SNAPC4: variants seen among roughly 807,000 people sequenced by gnomAD.
SNAPC4 encodes the protein small nuclear RNA activating complex polypeptide 4, also known as snRNA-activating protein complex subunit 4.
Under a neutral mutation model 151.3 loss-of-function variants are expected in SNAPC4, and 127 were observed. The observed-to-expected ratio is 0.84, with a 90% CI of 0.73 to 0.97. The LOEUF is 0.97. Among genes scored for constraint, SNAPC4 ranks in the 50% least tolerant of loss-of-function variants. SNAPC4 has a pLI of 0.00. For synonymous variants in SNAPC4, 1,002 were observed against 824.4 expected (o/e 1.22, Z -3.69); for missense variants, 2,186 against 1,935.0 (o/e 1.13, Z -2.43).
rs1833939461 is a variant in SNAPC4, at chr9:136,387,781, A to G, written c.1191T>C (p.Pro397=). The change falls in exon 12 of 24, where the codon CCT becomes CCC. Residue 397 remains proline (P), a synonymous_variant. Transcript: ENST00000684778. ...LIYRWTKSLD[P]GLKKGYWAPE... is the part of the protein sequence containing the mutation. ...GGGCCCAGTAACCCTTCTTCAGACC[A>G]GGATCCAAGCTCTTGGTCCATCGGT... 1.9e-6 allele frequency: 3 copies of G among 1,612,950 alleles called. No homozygotes were observed. The highest frequency in any genetic ancestry group is 1.7e-6 in the Non-Finnish European group (2 of 1,179,106).
At position 136,392,720 on chromosome 9, in the gene SNAPC4, G is replaced by A; in HGVS notation, c.690C>T (p.Ala230=). The A allele has an allele frequency of 3.1e-6, 5 of 1,613,724 alleles. No individual in the cohort carries two copies. Among genetic ancestry groups the A allele is most frequent in the East Asian group, 2.2e-5 (1 of 44,878 alleles). ...SKVSSELERQ[A]LEKQGREAEK... ...CGGCTTCCCTGCCCTGCTTCTCCAGGGCTTGCCTCTCCAGCTCACTGGAGA... is the reference window on the plus strand; with the variant it reads ...CGGCTTCCCTGCCCTGCTTCTCCAGAGCTTGCCTCTCCAGCTCACTGGAGA... Residue 230 remains alanine, a synonymous_variant, in exon 8 of 24, where the codon GCC becomes GCT. Coordinates refer to ENST00000684778, the MANE Select transcript of SNAPC4 (RefSeq NM_003086.4).
At chr9:136,394,378 C>T (rs772830383) in intron 6 of SNAPC4, 48 bp from the exon 7 acceptor site, 22 of 1,514,088 alleles carry the variant, frequency 1.5e-5, no homozygotes, top group Non-Finnish European at 1.9e-5. Flanking sequence ...ATCCTCTCCA[C>T]GGCCCAGCCC....
At position 136,387,272 on chromosome 9, in the gene SNAPC4, A is replaced by C. The variant is rs936901657; in HGVS notation, c.1325+213T>G. On this transcript the variant is annotated intron_variant, in intron 13 of 23. Transcript: ENST00000684778. ...GTTGCTCCGGCAGACAGCAATACAG[A>C]AGTCAGGCTTGGAAAACACAGCTCA... Among the ~76,000 whole-genome samples the C allele has an allele frequency of 5.3e-5, 8 of 151,600 alleles. No homozygotes were observed. The South Asian group carries it at 6.2e-4, about 12-fold the overall frequency.
At chr9:136,390,792 A>G (rs1196193652) in intron 10 of SNAPC4, among the ~76,000 whole-genome samples, 1 of 152,004 alleles carries the variant, frequency 6.6e-6, no homozygotes, top group African/African-American at 2.4e-5. Flanking sequence ...CAAACTATGT[A>G]GCAGTAAAAT....
chr9:136,383,362 C>G lies in SNAPC4; in HGVS notation c.1807G>C (p.Gly603Arg). 1.2e-6 allele frequency: 2 copies of G among 1,606,010 alleles called. No homozygotes were observed. Among genetic ancestry groups the G allele is most frequent in the Non-Finnish European group, 1.7e-6 (2 of 1,176,784 alleles). ...CTGCCGCCCTGGCTGGCACTGGACC[C>G]CTTGGGAGGGCTGAGGGAGGCAGCG... ...GPAASLSPPK[G>R]SSASQGGSKE... Residue 603 changes from glycine (G) to arginine (R), a missense_variant, in exon 16 of 24, where the codon GGG becomes CGG. By Grantham distance (125) the Gly-to-Arg change is moderately radical. Coordinates refer to ENST00000684778, the MANE Select transcript of SNAPC4 (RefSeq NM_003086.4). The surrounding 1 kb of genome is among the most constrained non-coding windows in gnomAD (Gnocchi z 4.2).
Position 136,392,560 on chromosome 9 carries a change from G to A in SNAPC4, c.772C>T (p.Leu258=), listed in dbSNP as rs779947952. ...LPEEALLGNR[L]DSHDWEKISN... ...ATCTTCTCCCAGTCGTGGCTGTCCAGCCTGTTTCCCAGCAAGGCCTCTTCT... is the reference window on the plus strand; with the variant it reads ...ATCTTCTCCCAGTCGTGGCTGTCCAACCTGTTTCCCAGCAAGGCCTCTTCT... The change falls in exon 9 of 24, where the codon CTG becomes TTG. Residue 258 remains leucine (L), a synonymous_variant. Transcript: ENST00000684778. The A allele has an allele frequency of 4.3e-6, 7 of 1,613,846 alleles. No individual in the cohort carries two copies. The East Asian group carries it at 1.3e-4, about 31-fold the overall frequency.
chr9:136,390,080 C>CA (rs1380064062), intron 10 of SNAPC4, among the ~76,000 whole-genome samples: 2 of 152,078 alleles, frequency 1.3e-5, no homozygotes, highest in Admixed American at 1.3e-4. Context: ...ACCAGCAAGA[C>CA]AGAGTGGAAG....
At chr9:136,382,369 G>C in intron 16 of SNAPC4, 33 bp from the exon 17 acceptor site, 1 of 1,585,354 alleles carries the variant, frequency 6.3e-7, no homozygotes, top group Non-Finnish European at 8.7e-7. Context: ...CGAGGCACGC[G>C]GGGTGTACGG....
Position 136,378,788 on chromosome 9 carries a change from CT to C in SNAPC4, c.3038del (p.Gln1013ArgfsTer4). 1 of 1,558,236 alleles carries C rather than the reference CT, an allele frequency of 6.4e-7. No homozygotes were observed. The highest frequency in any genetic ancestry group is 2.3e-5 in the East Asian group (1 of 44,150). On this transcript the variant is annotated frameshift_variant, in exon 22 of 24. Transcript: ENST00000684778. LOFTEE classifies it high-confidence loss of function. The part of the protein sequence containing the change: ...ASQAPALGPG[Q>X]ISVSCPESGL... ...CACTCTCGGGGCAGCTCACAGAGAT[CT>C]GGCCGGGGCCCAGGGCAGGGGCTTG... is the stretch of plus-strand genomic sequence containing the variant.
rs769688332 is a variant in SNAPC4 at position 136,383,325 on chromosome 9, G to A, written c.1844C>T (p.Ser615Phe). The A allele has an allele frequency of 3.4e-5, 54 of 1,611,426 alleles. No homozygotes were observed. The highest frequency in any genetic ancestry group is 8.4e-5 in the Admixed American group (5 of 59,862). Reference sequence around the variant, plus strand: ...CTCTCCAGGAGCCGCGGCTGTGGTGGAAGCTTCCTTGCTGCCGCCCTGGCT... The same window carrying A: ...CTCTCCAGGAGCCGCGGCTGTGGTGAAAGCTTCCTTGCTGCCGCCCTGGCT... The part of the protein sequence containing the change: ...SASQGGSKEA[S>F]TTAAAPGEET... The change falls in exon 16 of 24, where the codon TCC becomes TTC. Residue 615 changes from serine to phenylalanine, a missense_variant. Transcript: ENST00000684778. The surrounding 1 kb of genome is among the most constrained non-coding windows in gnomAD (Gnocchi z 4.2).
At chr9:136,391,798 A>T in intron 10 of SNAPC4, 144 bp downstream of exon 10, 1 of 876,308 alleles carries the variant, frequency 1.1e-6, no homozygotes, top group Non-Finnish European at 1.7e-6. Context: ...CTCCTTCCCT[A>T]GGGCCACAGC....
rs566846702 is a variant in SNAPC4 at position 136,398,511 on chromosome 9, C to T, written c.-9-74G>A. 8.2e-5 allele frequency: 126 copies of T among 1,539,748 alleles called. No homozygotes were observed. In the South Asian group the frequency reaches 1.4e-3, roughly 17 times the overall value. Reference sequence around the variant, plus strand: ...GATCCCATTCTCCTTCAGACACACCCGCCCATGGGGGATGGCAGGAGCCTG... The same window carrying T: ...GATCCCATTCTCCTTCAGACACACCTGCCCATGGGGGATGGCAGGAGCCTG... On this transcript the variant is annotated intron_variant, in intron 1 of 23. Transcript: ENST00000684778.
rs569485753 is a variant in SNAPC4, at chr9:136,390,099, G to A, written c.976-1508C>T. Among the ~76,000 whole-genome samples, 5 of 152,196 alleles carry A rather than the reference G, an allele frequency of 3.3e-5. No individual in the cohort carries two copies. In the South Asian group the frequency reaches 1.0e-3, roughly 32 times the overall value. ...GCAAGACAGAGTGGAAGGAAAAGAG[G>A]CCACAAAGTAAAACGGACTCGACAC... On this transcript the variant is annotated intron_variant, in intron 10 of 23. Coordinates refer to ENST00000684778, the MANE Select transcript of SNAPC4 (RefSeq NM_003086.4).
chr9:136,381,238 G>A lies in SNAPC4; in HGVS notation c.2388+84C>T, dbSNP rs77984003. On this transcript the variant is annotated intron_variant, in intron 19 of 23. Transcript: ENST00000684778. ...AAACTTTAGATAGCTAGACTTTAAG[G>A]AATGAATCTACTGCAGATTTCAAAA... 5,535 of 1,056,722 alleles carry A rather than the reference G, an allele frequency of 5.2e-3. 29 individuals carry two copies. Among genetic ancestry groups the A allele is most frequent in the Middle Eastern group, 6.9e-3 (34 of 4,898 alleles). 65.5% of individuals were successfully genotyped at this position (1,056,722 alleles called of 1,614,324 possible).
intron 22 of SNAPC4, among the ~76,000 whole-genome samples, 162 bp from the exon 23 acceptor site, chr9:136,376,643 C>G (rs532407102): frequency 6.6e-6 from 1 of 152,136 alleles, no homozygotes; most frequent in African/African-American, 2.4e-5. Context: ...TGGGGCCACA[C>G]GTGACTGTGC....
chr9:136,378,386 G>T lies in SNAPC4; in HGVS notation c.3441C>A (p.Ser1147=). The T allele has an allele frequency of 6.2e-7, 1 of 1,610,582 alleles. No individual in the cohort carries two copies. ...GAGGAGCTGGGGTGTCTGTCCTGCA[G>T]GAAGGCTCCGGTTCCCTGTTCATAT... ...PANMNREPEP[S]CRTDTPAPPT... Residue 1147 remains serine (S), a synonymous_variant, in exon 22 of 24, where the codon TCC becomes TCA. Coordinates refer to ENST00000684778, the MANE Select transcript of SNAPC4 (RefSeq NM_003086.4).
intron 21 of SNAPC4, among the ~76,000 whole-genome samples, chr9:136,379,583 C>T (rs562363597): frequency 2.0e-5 from 3 of 152,316 alleles, no homozygotes; most frequent in South Asian, 2.1e-4. Context: ...CATGGGCGGA[C>T]GCTCGCTCCA....
Position 136,392,504 on chromosome 9 carries a change from G to T in SNAPC4, c.810+18C>A. On this transcript the variant is annotated intron_variant, in intron 9 of 23. Coordinates refer to ENST00000684778, the MANE Select transcript of SNAPC4 (RefSeq NM_003086.4). The stretch of plus-strand genomic sequence containing the variant: ...TGTGCTCCAAGCTGCTTGGGGCTCA[G>T]ACCTGCCCCTGACTTACGTTAATAT... 1 of 1,612,210 alleles carries T rather than the reference G, an allele frequency of 6.2e-7. No homozygotes were observed. The highest frequency in any genetic ancestry group is 1.1e-5 in the South Asian group (1 of 91,020).
chr9:136,379,182 G>A lies in SNAPC4; in HGVS notation c.2645C>T (p.Ala882Val). ...ERTLPQASLL[A>V]STGPRPKPKT... ...GGGCTTGGGCCGGGGGCCGGTTGAAGCCAGCAGGGACGCCTGGGGTAGGGT... is the reference window on the plus strand; with the variant it reads ...GGGCTTGGGCCGGGGGCCGGTTGAAACCAGCAGGGACGCCTGGGGTAGGGT... Residue 882 changes from alanine to valine, a missense_variant, in exon 22 of 24, where the codon GCT becomes GTT. Transcript: ENST00000684778. 6.2e-7 allele frequency: 1 copy of A among 1,601,440 alleles called. No homozygotes were observed. Among genetic ancestry groups the A allele is most frequent in the Non-Finnish European group, 8.5e-7 (1 of 1,175,094 alleles).
Sources: gnomAD v4.1 joint callset for allele counts (sites outside exome capture counted in the v4.1 genomes callset) on GRCh38, gnomAD v4.1.1 for gene constraint, Gnocchi (gnomAD v3.1) non-coding constraint, MANE v1.5 for transcripts, NCBI Gene and HGNC (gene_info 2026-07-23, HGNC 2026-07-21) for gene names.